The following HPCAL1 variants were observed in gnomAD, a reference collection of about 807,000 sequenced individuals.
HPCAL1 encodes the protein hippocalcin like 1, also known as hippocalcin-like protein 1.
HPCAL1 carries 8 observed loss-of-function variants against 17.1 expected under a neutral mutation model. The observed-to-expected ratio is 0.47, with a 90% CI of 0.27 to 0.84. The LOEUF (loss-of-function observed/expected upper bound fraction) is 0.84, where lower values mean the gene tolerates loss of function less well. Among genes scored for constraint, HPCAL1 ranks in the 40% least tolerant of loss-of-function variants. The probability of loss-of-function intolerance (pLI) is 0.13; values close to 1 mark genes in which losing one functional copy is unlikely to be tolerated. For missense variants in HPCAL1, 165 were observed against 271.1 expected (o/e 0.61, Z 2.75); for synonymous variants, 112 against 111.4 (o/e 1.01, Z -0.03).
chr2:10,337,859 A>G lies in HPCAL1; in HGVS notation c.-111+34682A>G, dbSNP rs1218991019. The stretch of plus-strand genomic sequence containing the variant: ...TGGTTCTTAGGAATGGTCTCTGTCA[A>G]TGTTCCCGGCAGTACCTCCGAGCCT... On this transcript the variant is annotated intron_variant, in intron 1 of 4. Transcript: ENST00000307845. 2.0e-5 allele frequency among the ~76,000 whole-genome samples: 3 copies of G among 152,042 alleles called. No individual in the cohort carries two copies. The East Asian group carries it at 5.8e-4, about 29-fold the overall frequency.
At position 10,419,544 on chromosome 2, in the gene HPCAL1, G is replaced by A. The variant is rs1206234968; in HGVS notation, c.-24-190G>A. ...TCCCGCAGTGTGAGGGTGAGCTGTC[G>A]TGATATAATTAGAGTCTCTTGGCCT... is the stretch of plus-strand genomic sequence containing the variant. On this transcript the variant is annotated intron_variant, in intron 2 of 4. Transcript: ENST00000307845. The surrounding 1 kb of genome is among the most constrained non-coding windows in gnomAD (Gnocchi z 5.0). Among the ~76,000 whole-genome samples the A allele has an allele frequency of 2.0e-5, 3 of 151,898 alleles. No homozygotes were observed. The highest frequency in any genetic ancestry group is 1.5e-5 in the Non-Finnish European group (1 of 68,006).
At chr2:10,333,316 G>A (rs945629255) in intron 1 of HPCAL1, among the ~76,000 whole-genome samples, 4 of 152,312 alleles carry the variant, frequency 2.6e-5, no homozygotes, top group South Asian at 2.1e-4. Flanking sequence ...CTGGTGTAAC[G>A]TTTCTCCATC....
At chr2:10,345,866 C>T (rs12999839) in intron 1 of HPCAL1, among the ~76,000 whole-genome samples, 2 of 152,098 alleles carry the variant, frequency 1.3e-5, no homozygotes, top group Non-Finnish European at 2.9e-5. Context: ...CTATTTATGA[C>T]GCCCCTCCCC....
At chr2:10,380,019 C>T (rs1667840914) in intron 1 of HPCAL1, among the ~76,000 whole-genome samples, 1 of 152,192 alleles carries the variant, frequency 6.6e-6, no homozygotes, top group African/African-American at 2.4e-5. Flanking sequence ...GACCTGAGTC[C>T]ATCTGGAGGT....
intron 1 of HPCAL1, among the ~76,000 whole-genome samples, chr2:10,337,940 CACTG>C (rs1163466399): frequency 6.6e-6 from 1 of 152,200 alleles, no homozygotes; most frequent in Non-Finnish European, 1.5e-5. Context: ...ATTTAGGTAT[CACTG>C]ACTATCACTG....
chr2:10,359,966 T>C lies in HPCAL1; in HGVS notation c.-110-36869T>C, dbSNP rs1162316800. Among the ~76,000 whole-genome samples, 2 of 151,606 alleles carry C rather than the reference T, an allele frequency of 1.3e-5. No individual in the cohort carries two copies. The highest frequency in any genetic ancestry group is 3.8e-4 in the East Asian group (2 of 5,196). On this transcript the variant is annotated intron_variant, in intron 1 of 4. Coordinates refer to ENST00000307845, the MANE Select transcript of HPCAL1 (RefSeq NM_002149.4). The surrounding 1 kb of genome is among the most constrained non-coding windows in gnomAD (Gnocchi z 4.1). The stretch of plus-strand genomic sequence containing the variant: ...GGTCCACAGCGCCCACCAGGTTTGA[T>C]GTGGGCTGAGCACACCGTCACTAAC...
At chr2:10,366,961 G>A (rs1666888149) in intron 1 of HPCAL1, among the ~76,000 whole-genome samples, 1 of 152,110 alleles carries the variant, frequency 6.6e-6, no homozygotes, top group South Asian at 2.1e-4. Context: ...GGTGAGGGAC[G>A]CCAGGTTCCT....
At chr2:10,347,755 G>A (rs1316006803) in intron 1 of HPCAL1, among the ~76,000 whole-genome samples, 3 of 152,228 alleles carry the variant, frequency 2.0e-5, no homozygotes, top group Non-Finnish European at 4.4e-5. Context: ...GATCCAGTAT[G>A]AAGCCTGGCA....
intron 1 of HPCAL1, among the ~76,000 whole-genome samples, chr2:10,333,599 G>A (rs548998548): frequency 8.7e-4 from 133 of 152,310 alleles, no homozygotes; most frequent in Non-Finnish European, 1.2e-3. Flanking sequence ...GTGCTTTGGT[G>A]TTCAGCTGTG....
Position 10,342,637 on chromosome 2 carries a change from G to A in HPCAL1, c.-111+39460G>A, listed in dbSNP as rs1665168057. 1.3e-5 allele frequency among the ~76,000 whole-genome samples: 2 copies of A among 152,212 alleles called. No individual in the cohort carries two copies. The highest frequency in any genetic ancestry group is 4.1e-4 in the South Asian group (2 of 4,830). On this transcript the variant is annotated intron_variant, in intron 1 of 4. Transcript: ENST00000307845. The surrounding 1 kb of genome is among the most constrained non-coding windows in gnomAD (Gnocchi z 4.1). ...GGGAACAGCATGTGCAGAGGTGCTG[G>A]CTGGAGGAACCCCGTGTGTTTGCAC... is the stretch of plus-strand genomic sequence containing the variant.
At chr2:10,334,430 C>A (rs1169043878) in intron 1 of HPCAL1, among the ~76,000 whole-genome samples, 2 of 151,924 alleles carry the variant, frequency 1.3e-5, no homozygotes, top group African/African-American at 2.4e-5. Flanking sequence ...CTCTCCTGAG[C>A]CCAGGAGTTT....
chr2:10,369,165 A>G (rs1001304820), intron 1 of HPCAL1: 1 of 152,150 alleles, frequency 6.6e-6, no homozygotes, highest in Non-Finnish European at 1.5e-5. Flanking sequence ...CAACACAAGG[A>G]TTCCCCTCCA....
intron 3 of HPCAL1, among the ~76,000 whole-genome samples, chr2:10,421,701 CA>C (rs2148037445): frequency 6.6e-6 from 1 of 152,108 alleles, no homozygotes; most frequent in South Asian, 2.1e-4. Context: ...ACCCTGCCTC[CA>C]AAAAGACCAA....
chr2:10,368,908 G>A (rs975286266), intron 1 of HPCAL1: 5 of 152,210 alleles, frequency 3.3e-5, no homozygotes, highest in South Asian at 2.1e-4. Context: ...AGTCATTGCC[G>A]TAACTGGCTT....
rs139579571 is a variant in HPCAL1, at chr2:10,379,915, C to G, written c.-110-16920C>G. On this transcript the variant is annotated intron_variant, in intron 1 of 4. Coordinates refer to ENST00000307845, the MANE Select transcript of HPCAL1 (RefSeq NM_002149.4). ...TCCATGCTGGCTATACTGCAGCCCC[C>G]CTCAACTGGAATCAGATGTGGCCCA... Among the ~76,000 whole-genome samples, 319 of 152,286 alleles carry G rather than the reference C, an allele frequency of 2.1e-3. 6 individuals are homozygous for G. The highest frequency in any genetic ancestry group is 7.0e-3 in the African/African-American group (289 of 41,560).
intron 1 of HPCAL1, among the ~76,000 whole-genome samples, chr2:10,372,325 C>T (rs371282056): frequency 1.1e-4 from 16 of 152,162 alleles, no homozygotes; most frequent in East Asian, 3.9e-4. Context: ...GTCATAGGAG[C>T]GAATGGAGCA....
intron 2 of HPCAL1, among the ~76,000 whole-genome samples, chr2:10,406,801 A>G (rs567000285): frequency 6.6e-6 from 1 of 152,224 alleles, no homozygotes; most frequent in African/African-American, 2.4e-5. Context: ...GCTTTCAGAA[A>G]GTCTATGGTC....
At chr2:10,410,971 G>A (rs960981098) in intron 2 of HPCAL1, among the ~76,000 whole-genome samples, 5 of 151,460 alleles carry the variant, frequency 3.3e-5, no homozygotes, top group South Asian at 4.2e-4. Context: ...CGTCGGGCCC[G>A]ACAGCCTCCA....
intron 1 of HPCAL1, among the ~76,000 whole-genome samples, chr2:10,366,636 C>G (rs1666873442): frequency 6.6e-6 from 1 of 152,194 alleles, no homozygotes; most frequent in Admixed American, 6.5e-5. Flanking sequence ...TCACCCATAC[C>G]AAGCTCACAG....
Sources: allele counts gnomAD v4.1 joint callset (sites outside exome capture counted in the v4.1 genomes callset), GRCh38; gene constraint gnomAD v4.1.1; non-coding constraint Gnocchi (gnomAD v3.1); transcripts MANE v1.5; gene names NCBI Gene and HGNC (gene_info 2026-07-23, HGNC 2026-07-21).